The following H1-8 variants were observed in gnomAD, a reference collection of about 807,000 sequenced individuals.
The protein encoded by H1-8 is H1.8 linker histone, also known as histone H1.8.
A neutral mutation model predicts 19.5 loss-of-function variants in H1-8; 13 were observed. The ratio of observed to expected loss-of-function variants is 0.67; its 90% CI spans 0.43 to 1.06. The LOEUF is 1.06. H1-8 is among the 50% of genes least tolerant of loss of function. The pLI is 0.00. For missense variants in H1-8, 432 were observed against 459.8 expected (o/e 0.94, Z 0.55); for synonymous variants, 193 against 187.6 (o/e 1.03, Z -0.24).
chr3:129,549,429 C>T (rs1465159150), intron 3 of H1-8, 65 bp downstream of exon 3: 28 of 1,425,010 alleles, frequency 2.0e-5, no homozygotes, highest in African/African-American at 7.4e-5. Flanking sequence ...GGAGCGGGGG[C>T]GGGGAGCCAG....
Position 129,549,423 on chromosome 3 carries a change from C to T in H1-8, c.742+59C>T, listed in dbSNP as rs979653981. 6.5e-5 allele frequency: 82 copies of T among 1,266,718 alleles called. 1 individual carries two copies. The highest frequency in any genetic ancestry group is 7.6e-5 in the Non-Finnish European group (75 of 981,642). The allele number at this position is 1,266,718 out of a possible 1,614,324, so 78.5% of individuals were successfully genotyped here. On this transcript the variant is annotated intron_variant, in intron 3 of 4. Transcript: ENST00000324382. ...ATGGGGGTCTTGACAGCCACTGGAG[C>T]GGGGGCGGGGAGCCAGCTCTGGAGA...
In H1-8 at chr3:129,548,997, C is replaced by G. The variant is rs763921318; in HGVS notation, c.379-4C>G. On this transcript the variant is annotated splice_polypyrimidine_tract_variant and splice_region_variant and intron_variant, in intron 2 of 4. Coordinates refer to ENST00000324382, the MANE Select transcript of H1-8 (RefSeq NM_153833.3). ...TTTCAGCCCCACCCCGTGTCCTTCT[C>G]CAGTTAGTTCCCAAGCACAAGAAGA... is the stretch of plus-strand genomic sequence containing the variant. 3.7e-6 allele frequency: 6 copies of G among 1,600,396 alleles called. No homozygotes were observed. Among genetic ancestry groups the G allele is most frequent in the South Asian group, 3.4e-5 (3 of 89,278 alleles).
Position 129,543,307 on chromosome 3 carries a change from G to A in H1-8, c.88+1G>A, listed in dbSNP as rs2084865363. 1 of 1,610,844 alleles carries A rather than the reference G, an allele frequency of 6.2e-7. No individual in the cohort carries two copies. Among genetic ancestry groups the A allele is most frequent in the Non-Finnish European group, 8.5e-7 (1 of 1,177,952 alleles). ...AGGTCTCCTGAATCTGAAAAGCCAG[G>A]TGAGCAAGAGGAGGCAGCTCCTCCC... On this transcript the variant is annotated splice_donor_variant, in intron 1 of 4. Transcript: ENST00000324382. LOFTEE classifies it high-confidence loss of function.
At chr3:129,544,401 G>GT (rs533585692) in intron 1 of H1-8, among the ~76,000 whole-genome samples, 11 of 152,176 alleles carry the variant, frequency 7.2e-5, no homozygotes, top group South Asian at 6.3e-4. Context: ...TGGGGCTGGG[G>GT]AGTTGGAGAG....
intron 1 of H1-8, among the ~76,000 whole-genome samples, chr3:129,544,737 G>A (rs2084875672): frequency 1.3e-5 from 2 of 152,044 alleles, no homozygotes; most frequent in Admixed American, 6.6e-5. Flanking sequence ...GGAGCTGCTC[G>A]TGAAGTCAGG....
At chr3:129,547,052 G>T (rs2084893825) in intron 1 of H1-8, among the ~76,000 whole-genome samples, 1 of 152,090 alleles carries the variant, frequency 6.6e-6, no homozygotes, top group South Asian at 2.1e-4. Flanking sequence ...ACAAAAATCA[G>T]CCAGGTATGG....
At chr3:129,547,791 T>C in intron 2 of H1-8, 111 bp downstream of exon 2, 1 of 1,017,874 alleles carries the variant, frequency 9.8e-7, no homozygotes, top group Non-Finnish European at 1.4e-6. Flanking sequence ...CCTGTCCTTG[T>C]TCCTCCTGTG....
chr3:129,546,250 A>G (rs1301922941), intron 1 of H1-8, among the ~76,000 whole-genome samples: 1 of 152,040 alleles, frequency 6.6e-6, no homozygotes, highest in South Asian at 2.1e-4. Flanking sequence ...CTTGAGCTGG[A>G]GAGGTCAAGG....
At chr3:129,543,956 G>A (rs1292590070) in intron 1 of H1-8, among the ~76,000 whole-genome samples, 1 of 152,178 alleles carries the variant, frequency 6.6e-6, no homozygotes, top group East Asian at 1.9e-4. Flanking sequence ...TGCCTCAGCC[G>A]GGGGAAGTGT....
chr3:129,550,982 C>T, intron 4 of H1-8, 125 bp from the exon 5 acceptor site: 1 of 972,292 alleles, frequency 1.0e-6, no homozygotes, highest in Non-Finnish European at 1.5e-6. Context: ...GGGGGTGTTG[C>T]CATCCCCATC....
In H1-8 at chr3:129,547,430, A is replaced by T; in HGVS notation, c.128A>T (p.His43Leu). 7.1e-7 allele frequency: 1 copy of T among 1,413,898 alleles called. No homozygotes were observed. Among genetic ancestry groups the T allele is most frequent in the Non-Finnish European group, 9.4e-7 (1 of 1,064,988 alleles). The allele number at this position is 1,413,898 out of a possible 1,614,324, so 87.6% of individuals were successfully genotyped here. A position where few individuals can be genotyped will look rare whatever the true frequency, so the allele number is the denominator to read the frequency against. ...GGTGTCCCACCAGGAGGCCCGAGCC[A>T]CAGCAGCCTCCCGGTGGGACGCCGC... ...HGGVPPGGPS[H>L]SSLPVGRRHP... Residue 43 changes from histidine to leucine, a missense_variant, in exon 2 of 5, where the codon CAC becomes CTC. Transcript: ENST00000324382.
rs761140781 is a variant in H1-8 at position 129,547,584 on chromosome 3, G to A, written c.282G>A (p.Lys94=). Residue 94 remains lysine (K), a synonymous_variant, in exon 2 of 5, where the codon AAG becomes AAA. Transcript: ENST00000324382. ...KYPTVDVLRF[K]YLLKQALATG... ...CAACAGTGGACGTCCTCCGCTTCAA[G>A]TACCTGCTGAAGCAGGCGCTGGCCA... 9.0e-6 allele frequency: 14 copies of A among 1,562,226 alleles called. No homozygotes were observed. The South Asian group carries it at 1.6e-4, about 18-fold the overall frequency.
chr3:129,549,167 A>T lies in H1-8; in HGVS notation c.545A>T (p.Lys182Met). ...AAAAAGGCAGCCAAGAGGCCAGCAA[A>T]GGTGCAGAAGCCTCCTCCCAAGCCA... ...KVKKAAKRPA[K>M]VQKPPPKPGA... The change falls in exon 3 of 5, where the codon AAG becomes ATG. Residue 182 changes from lysine to methionine, a missense_variant. By Grantham distance (95) the Lys-to-Met change is moderately conservative (BLOSUM62 -1). Coordinates refer to ENST00000324382, the MANE Select transcript of H1-8 (RefSeq NM_153833.3). 6.4e-7 allele frequency: 1 copy of T among 1,565,006 alleles called. No individual in the cohort carries two copies. The highest frequency in any genetic ancestry group is 8.7e-7 in the Non-Finnish European group (1 of 1,154,042).
At chr3:129,543,726 T>C (rs981920058) in intron 1 of H1-8, among the ~76,000 whole-genome samples, 10 of 152,208 alleles carry the variant, frequency 6.6e-5, no homozygotes, top group Non-Finnish European at 1.3e-4. Context: ...AGGGTTTATC[T>C]GGACATGAGG....
At chr3:129,547,797 C>T in intron 2 of H1-8, 117 bp downstream of exon 2, 1 of 984,388 alleles carries the variant, frequency 1.0e-6, no homozygotes, top group Non-Finnish European at 1.5e-6. Flanking sequence ...CTTGTTCCTC[C>T]TGTGGTCTCA....
intron 2 of H1-8, 96 bp downstream of exon 2, chr3:129,547,776 G>A (rs778023950): frequency 8.4e-5 from 97 of 1,149,434 alleles, no homozygotes; most frequent in Non-Finnish European, 1.0e-4. Flanking sequence ...TTTCCCCTCC[G>A]GTCCCCTGTC....
chr3:129,544,265 G>A (rs558362402), intron 1 of H1-8, among the ~76,000 whole-genome samples: 4 of 152,186 alleles, frequency 2.6e-5, no homozygotes, highest in East Asian at 1.9e-4. Context: ...CCTCCAAGGC[G>A]GTCTTCAGTT....
chr3:129,549,623 G>C (rs1430793303), intron 3 of H1-8, among the ~76,000 whole-genome samples: 1 of 151,830 alleles, frequency 6.6e-6, no homozygotes, highest in Non-Finnish European at 1.5e-5. Context: ...CTCAAGCAGG[G>C]GAAGGGCCTG....
At position 129,547,470 on chromosome 3, in the gene H1-8, A is replaced by C; in HGVS notation, c.168A>C (p.Leu56=). The C allele has an allele frequency of 6.4e-7, 1 of 1,552,700 alleles. No homozygotes were observed. The change falls in exon 2 of 5, where the codon CTA becomes CTC. Residue 56 remains leucine, a synonymous_variant. Coordinates refer to ENST00000324382, the MANE Select transcript of H1-8 (RefSeq NM_153833.3). ...LPVGRRHPPV[L]RMVLEALQAG... is the part of the protein sequence containing the mutation. Reference sequence around the variant, plus strand: ...TGGGACGCCGCCACCCCCCGGTGCTACGCATGGTGCTGGAGGCGCTGCAGG... The same window carrying C: ...TGGGACGCCGCCACCCCCCGGTGCTCCGCATGGTGCTGGAGGCGCTGCAGG...
Sources: gnomAD v4.1 joint callset for allele counts (sites outside exome capture counted in the v4.1 genomes callset) on GRCh38, gnomAD v4.1.1 for gene constraint, MANE v1.5 for transcripts, NCBI Gene and HGNC (gene_info 2026-07-23, HGNC 2026-07-21) for gene names.